TXNRD3: variants seen among roughly 807,000 people sequenced by gnomAD.
The protein encoded by TXNRD3 is TXNRD3 neighbor gene protein.
TXNRD3 carries 68 observed loss-of-function variants against 78.2 expected under a neutral mutation model. The ratio of observed to expected loss-of-function variants is 0.87; its 90% CI spans 0.72 to 1.06. TXNRD3 has a LOEUF of 1.06. TXNRD3 is among the 50% of genes least tolerant of loss of function. The pLI is 0.00. For synonymous variants in TXNRD3, 296 were observed against 300.1 expected, an observed-to-expected ratio of 0.99 and a Z score of 0.14; for missense variants, 751 against 809.5, an observed-to-expected ratio of 0.93 and a Z score of 0.88.
At chr3:126,617,246 A>G (rs1401327587) in intron 12 of TXNRD3, among the ~76,000 whole-genome samples, 1 of 151,904 alleles carries the variant, frequency 6.6e-6, no homozygotes, top group Non-Finnish European at 1.5e-5. Flanking sequence ...CTCTTTCTTT[A>G]TACTCTACAC....
intron 7 of TXNRD3, among the ~76,000 whole-genome samples, chr3:126,632,454 C>G (rs568179888): frequency 2.6e-5 from 4 of 151,776 alleles, no homozygotes; most frequent in African/African-American, 9.7e-5. Context: ...GTCAGGAGTT[C>G]GAGACCAGCC....
intron 6 of TXNRD3, among the ~76,000 whole-genome samples, chr3:126,637,550 T>A (rs1242831111): frequency 1.3e-5 from 2 of 152,152 alleles, no homozygotes; most frequent in African/African-American, 2.4e-5. Flanking sequence ...TCATCTAAAA[T>A]TTTAAATAGG....
chr3:126,608,554 C>T lies in TXNRD3; in HGVS notation c.1808G>A (p.Gly603Glu). ...GTCATCAAGTAGCTGTTTTGTGAGC[C>T]CACATTTCATTGCAGCTGCAAATCC... is the stretch of plus-strand genomic sequence containing the variant. Residue 603 changes from glycine (G) to glutamate (E), a missense_variant, in exon 15 of 16, where the codon GGG (glycine) becomes GAG (glutamate). By Grantham distance (98) the Gly-to-Glu change is moderately conservative (BLOSUM62 -2). Coordinates refer to ENST00000524230, the MANE Select transcript of TXNRD3 (RefSeq NM_052883.3). The T allele has an allele frequency of 2.6e-6, 4 of 1,535,914 alleles. No individual in the cohort carries two copies. Among genetic ancestry groups the T allele is most frequent in the South Asian group, 1.2e-5 (1 of 84,038 alleles).
At chr3:126,651,659 C>T (rs1933394511) in intron 1 of TXNRD3, among the ~76,000 whole-genome samples, 1 of 152,092 alleles carries the variant, frequency 6.6e-6, no homozygotes, top group Non-Finnish European at 1.5e-5. Flanking sequence ...AGATAGAAAA[C>T]AGACCCCAGA....
chr3:126,636,209 A>C (rs2107621473), intron 6 of TXNRD3, among the ~76,000 whole-genome samples: 1 of 152,272 alleles, frequency 6.6e-6, no homozygotes, highest in South Asian at 2.1e-4. Context: ...AAAGCAATCA[A>C]CTTAACTCAT....
intron 6 of TXNRD3, among the ~76,000 whole-genome samples, chr3:126,640,824 A>C (rs985483199): frequency 6.6e-6 from 1 of 151,980 alleles, no homozygotes; most frequent in South Asian, 2.1e-4. Context: ...CAGTGCCATA[A>C]AAGGTGTGAA....
intron 7 of TXNRD3, among the ~76,000 whole-genome samples, chr3:126,633,073 A>G (rs529436910): frequency 1.3e-5 from 2 of 152,272 alleles, no homozygotes; most frequent in Non-Finnish European, 2.9e-5. Context: ...ATCCTATTAT[A>G]TTTTTTTAGG....
At chr3:126,613,093 A>G (rs1316021383) in intron 13 of TXNRD3, among the ~76,000 whole-genome samples, 1 of 152,186 alleles carries the variant, frequency 6.6e-6, no homozygotes. Flanking sequence ...CTTATGCACA[A>G]TTACAGACAT....
At chr3:126,612,548 G>A (rs1289007073) in intron 13 of TXNRD3, among the ~76,000 whole-genome samples, 1 of 151,900 alleles carries the variant, frequency 6.6e-6, no homozygotes, top group African/African-American at 2.4e-5. Flanking sequence ...GCACAAACTC[G>A]GCTCACCGCA....
chr3:126,628,767 C>G (rs1277930582), intron 10 of TXNRD3, among the ~76,000 whole-genome samples: 1 of 152,014 alleles, frequency 6.6e-6, no homozygotes, highest in East Asian at 1.9e-4. Flanking sequence ...TATATCCAAT[C>G]CAATCCTAAT....
intron 5 of TXNRD3, among the ~76,000 whole-genome samples, chr3:126,642,504 C>T (rs945244984): frequency 6.6e-6 from 1 of 152,236 alleles, no homozygotes; most frequent in African/African-American, 2.4e-5. Context: ...ATAACTCTGA[C>T]TCCTCGGAGC....
intron 1 of TXNRD3, among the ~76,000 whole-genome samples, chr3:126,649,952 G>T (rs1379009104): frequency 6.6e-6 from 1 of 152,044 alleles, no homozygotes; most frequent in African/African-American, 2.4e-5. Flanking sequence ...GTACATGTAC[G>T]TAGTGCCACT....
intron 1 of TXNRD3, among the ~76,000 whole-genome samples, chr3:126,647,821 C>G (rs911257659): frequency 5.9e-5 from 9 of 152,136 alleles, no homozygotes; most frequent in African/African-American, 2.2e-4. Flanking sequence ...GGTGACACAG[C>G]AAGAAGACCC....
At chr3:126,630,960 A>G (rs568732663) in intron 8 of TXNRD3, 23 bp from the exon 9 acceptor site, 2 of 1,526,804 alleles carry the variant, frequency 1.3e-6, no homozygotes, top group South Asian at 2.4e-5. Flanking sequence ...AATTAAAAAA[A>G]GAATACCTAG....
intron 1 of TXNRD3, among the ~76,000 whole-genome samples, 179 bp downstream of exon 1, chr3:126,654,569 T>C (rs1576300574): frequency 6.6e-6 from 1 of 152,270 alleles, no homozygotes; most frequent in African/African-American, 2.4e-5. Flanking sequence ...GTTTCTGTTT[T>C]GATAAACTAT....
At position 126,621,909 on chromosome 3, in the gene TXNRD3, T is replaced by C. The variant is rs1193386781; in HGVS notation, c.1368-11A>G. ...GGTATTTTTCCACTCCTATTAGTTTTTGAAATGGGAAAAAATATATATTAC... is the reference window on the plus strand; with the variant it reads ...GGTATTTTTCCACTCCTATTAGTTTCTGAAATGGGAAAAAATATATATTAC... On this transcript the variant is annotated splice_polypyrimidine_tract_variant and intron_variant, in intron 11 of 15. Transcript: ENST00000524230. 11 of 1,491,362 alleles carry C rather than the reference T, an allele frequency of 7.4e-6. No individual in the cohort carries two copies. The highest frequency in any genetic ancestry group is 8.0e-6 in the Non-Finnish European group (9 of 1,128,984). 92.4% of individuals were successfully genotyped at this position (1,491,362 alleles called of 1,614,324 possible).
At chr3:126,619,968 A>C (rs931715640) in intron 12 of TXNRD3, among the ~76,000 whole-genome samples, 2 of 152,048 alleles carry the variant, frequency 1.3e-5, no homozygotes, top group Admixed American at 1.3e-4. Flanking sequence ...CTGAAGCGTC[A>C]AAAGAGCCAC....
chr3:126,614,275 T>C (rs1262135478), intron 13 of TXNRD3, among the ~76,000 whole-genome samples: 2 of 152,192 alleles, frequency 1.3e-5, no homozygotes, highest in Non-Finnish European at 2.9e-5. Flanking sequence ...GGTGAGTTGA[T>C]CTGCAGCAAA....
intron 13 of TXNRD3, among the ~76,000 whole-genome samples, chr3:126,614,737 A>G (rs1938274442): frequency 6.6e-6 from 1 of 152,218 alleles, no homozygotes; most frequent in Non-Finnish European, 1.5e-5. Flanking sequence ...AAATTAAATC[A>G]TACAATCAAG....
Sources: allele counts gnomAD v4.1 joint callset (sites outside exome capture counted in the v4.1 genomes callset), GRCh38; gene constraint gnomAD v4.1.1; transcripts MANE v1.5; gene names NCBI Gene and HGNC (gene_info 2026-07-23, HGNC 2026-07-21).